The following MCHR2 variants were observed in gnomAD, a reference collection of about 807,000 sequenced individuals.
MCHR2 encodes melanin-concentrating hormone receptor 2.
In MCHR2, 15 loss-of-function variants were observed where a neutral mutation model predicts 24.8. The observed-to-expected ratio is 0.60, with a 90% CI of 0.40 to 0.93. The LOEUF is 0.93. Ranked by LOEUF, MCHR2 falls within the 40% of genes least tolerant of loss-of-function variation. The pLI, the probability that MCHR2 is intolerant of heterozygous loss-of-function variation, is 0.00. For synonymous variants in MCHR2, 151 were observed against 147.6 expected (o/e 1.02, Z -0.17); for missense variants, 386 against 408.7 (o/e 0.94, Z 0.48).
chr6:99,928,101 G>T (rs1413918344), intron 5 of MCHR2, among the ~76,000 whole-genome samples: 4 of 152,154 alleles, frequency 2.6e-5, no homozygotes, highest in African/African-American at 9.7e-5. Context: ...TAATCGTGTG[G>T]TTTTTGTCTT....
chr6:99,959,928 A>C (rs10872535), intron 1 of MCHR2, among the ~76,000 whole-genome samples: 4 of 151,432 alleles, frequency 2.6e-5, no homozygotes, highest in Admixed American at 6.6e-5. Context: ...ATCTCAGAAA[A>C]AGAAGAGAAA....
intron 5 of MCHR2, among the ~76,000 whole-genome samples, chr6:99,931,012 G>A (rs1186663380): frequency 6.6e-6 from 1 of 152,098 alleles, no homozygotes; most frequent in Non-Finnish European, 1.5e-5. Context: ...GTACAGATGG[G>A]TTTTTGGTGT....
intron 5 of MCHR2, among the ~76,000 whole-genome samples, chr6:99,926,166 A>C (rs1484408271): frequency 2.0e-5 from 3 of 152,156 alleles, no homozygotes; most frequent in Non-Finnish European, 4.4e-5. Flanking sequence ...ACATGAACTC[A>C]TCATTTTTTA....
intron 2 of MCHR2, among the ~76,000 whole-genome samples, chr6:99,953,263 T>G (rs902037455): frequency 2.0e-5 from 3 of 152,162 alleles, no homozygotes; most frequent in Admixed American, 1.3e-4. Flanking sequence ...ATATAAAAGT[T>G]GCCTGTGAAA....
intron 5 of MCHR2, among the ~76,000 whole-genome samples, chr6:99,924,585 GT>G (rs1449315492): frequency 6.6e-6 from 1 of 151,904 alleles, no homozygotes; most frequent in East Asian, 1.9e-4. Flanking sequence ...TATCCCATAG[GT>G]TTTGGTATGT....
intron 2 of MCHR2, among the ~76,000 whole-genome samples, chr6:99,955,441 T>TGGTG (rs1775040316): frequency 6.6e-6 from 1 of 152,166 alleles, no homozygotes; most frequent in South Asian, 2.1e-4. Flanking sequence ...AACAGCCCAC[T>TGGTG]ACCTATGACT....
intron 3 of MCHR2, 104 bp downstream of exon 3, chr6:99,947,658 A>G: frequency 9.3e-7 from 1 of 1,080,518 alleles, no homozygotes; most frequent in Non-Finnish European, 1.4e-6. Context: ...AAGGAAGAAA[A>G]CCTCTGCTGT....
rs537376718 is a variant in MCHR2, at chr6:99,962,526, G to A, written c.-27-6352C>T. The stretch of plus-strand genomic sequence containing the variant: ...GATAGACTTTTCAACAAATGATGTC[G>A]AAAAATCTGGATATCTATATGCAAA... On this transcript the variant is annotated intron_variant, in intron 1 of 5. Transcript: ENST00000281806. Among the ~76,000 whole-genome samples the A allele has an allele frequency of 1.1e-4, 16 of 152,098 alleles. No individual in the cohort carries two copies. In the South Asian group the frequency reaches 1.9e-3, roughly 18 times the overall value.
intron 1 of MCHR2, among the ~76,000 whole-genome samples, chr6:99,959,210 C>A (rs556992681): frequency 6.6e-6 from 1 of 152,148 alleles, no homozygotes; most frequent in Admixed American, 6.6e-5. Context: ...TTTTGGAGAA[C>A]CTGTGGTACA....
chr6:99,934,443 A>T lies in MCHR2; in HGVS notation c.662T>A (p.Leu221Ter). 1 of 1,607,046 alleles carries T rather than the reference A, an allele frequency of 6.2e-7. No individual in the cohort carries two copies. Among genetic ancestry groups the T allele is most frequent in the Non-Finnish European group, 8.5e-7 (1 of 1,177,312 alleles). ...PLILVCYILI[L>*]CYTWEMYQQN... ...TTGATACATCTCCCAAGTATAGCAT[A>T]AAATTAAAATATAGCACACCAAAAT... The change falls in exon 5 of 6, where the codon TTA becomes TAA. Residue 221 changes from leucine (L) to a stop codon, truncating the protein, a stop_gained. Coordinates refer to ENST00000281806, the MANE Select transcript of MCHR2 (RefSeq NM_001040179.2). LOFTEE classifies it high-confidence loss of function.
At chr6:99,966,318 G>C (rs1775295919) in intron 1 of MCHR2, among the ~76,000 whole-genome samples, 1 of 152,132 alleles carries the variant, frequency 6.6e-6, no homozygotes, top group African/African-American at 2.4e-5. Context: ...TCCTGTAAAT[G>C]TTGGAATTTG....
chr6:99,936,776 G>C (rs1324749052), intron 4 of MCHR2, among the ~76,000 whole-genome samples: 1 of 151,818 alleles, frequency 6.6e-6, no homozygotes, highest in Non-Finnish European at 1.5e-5. Flanking sequence ...ACATTGCTTT[G>C]GGTAGTAGTG....
chr6:99,921,096 G>A lies in MCHR2; in HGVS notation c.867C>T (p.Tyr289=). 6.2e-7 allele frequency: 1 copy of A among 1,614,166 alleles called. No homozygotes were observed. Among genetic ancestry groups the A allele is most frequent in the Non-Finnish European group, 8.5e-7 (1 of 1,180,018 alleles). Residue 289 remains tyrosine, a synonymous_variant, in exon 6 of 6, where the codon TAC becomes TAT. Coordinates refer to ENST00000281806, the MANE Select transcript of MCHR2 (RefSeq NM_001040179.2). Reference sequence around the variant, plus strand: ...TGGCATAGCTGAGACAGATGGAGAGGTAATAACCCACATAGAAGGCCAGTG... The same window carrying A: ...TGGCATAGCTGAGACAGATGGAGAGATAATAACCCACATAGAAGGCCAGTG... ...QPTLAFYVGY[Y]LSICLSYASS... is the part of the protein sequence containing the mutation.
chr6:99,992,052 T>G (rs1203826804), intron 1 of MCHR2, among the ~76,000 whole-genome samples: 2 of 152,218 alleles, frequency 1.3e-5, no homozygotes, highest in Admixed American at 6.5e-5. Flanking sequence ...GGAGGCTGAA[T>G]AAGTGATAGC....
At chr6:99,930,413 G>A (rs1406537033) in intron 5 of MCHR2, among the ~76,000 whole-genome samples, 2 of 152,252 alleles carry the variant, frequency 1.3e-5, no homozygotes, top group East Asian at 3.9e-4. Context: ...AAGTTCTCCT[G>A]GATAATATCC....
At chr6:99,993,377 A>G (rs564427520) in intron 1 of MCHR2, among the ~76,000 whole-genome samples, 6 of 152,288 alleles carry the variant, frequency 3.9e-5, no homozygotes, top group African/African-American at 1.2e-4. Context: ...GAGGAATAAT[A>G]TTAACTAAGT....
At chr6:99,939,180 G>T (rs185498540) in intron 4 of MCHR2, among the ~76,000 whole-genome samples, 19 of 152,050 alleles carry the variant, frequency 1.2e-4, no homozygotes, top group Non-Finnish European at 2.7e-4. Flanking sequence ...TTTACATTCA[G>T]TATTATTATT....
chr6:99,945,653 A>C (rs1475726673), intron 3 of MCHR2, among the ~76,000 whole-genome samples: 1 of 152,188 alleles, frequency 6.6e-6, no homozygotes, highest in Non-Finnish European at 1.5e-5. Context: ...TCTTTTACAA[A>C]ATTGCAGATT....
rs1420465172 is a variant in MCHR2, at chr6:99,921,034, C to G, written c.929G>C (p.Ser310Thr). ...AGGCAGACGTTTCTGGAAATTTCCA[C>G]TCAGCAGGATGTAGAGAAAAGGGTT... Reference protein sequence around the residue: ...SINPFLYILLSGNFQKRLPQI... With the variant: ...SINPFLYILLTGNFQKRLPQI... The change falls in exon 6 of 6, where the codon AGT becomes ACT. Residue 310 changes from serine (S) to threonine (T), a missense_variant. By Grantham distance (58) the Ser-to-Thr change is moderately conservative. Transcript: ENST00000281806. 4 of 1,614,188 alleles carry G rather than the reference C, an allele frequency of 2.5e-6. No individual in the cohort carries two copies. Among genetic ancestry groups the G allele is most frequent in the Non-Finnish European group, 2.5e-6 (3 of 1,180,028 alleles).
Sources: allele counts gnomAD v4.1 joint callset (sites outside exome capture counted in the v4.1 genomes callset), GRCh38; gene constraint gnomAD v4.1.1; transcripts MANE v1.5; gene names NCBI Gene and HGNC (gene_info 2026-07-23, HGNC 2026-07-21).